Variants in ARHGEF38 observed in about 807,000 individuals in gnomAD.
ARHGEF38 encodes Rho guanine nucleotide exchange factor (GEF) 38.
In ARHGEF38, 79 loss-of-function variants were observed where a neutral mutation model predicts 79.9. The observed-to-expected ratio is 0.99, with a 90% CI of 0.82 to 1.19. ARHGEF38 has a LOEUF of 1.19. Among genes scored for constraint, ARHGEF38 ranks in the 50% most tolerant of loss-of-function variants. The pLI, the probability that ARHGEF38 is intolerant of heterozygous loss-of-function variation, is 0.00. For synonymous variants in ARHGEF38, 366 were observed against 328.3 expected (o/e 1.11, Z -1.24); for missense variants, 962 against 907.2 (o/e 1.06, Z -0.78).
intron 8 of ARHGEF38, 40 bp downstream of exon 8, chr4:105,654,209 A>G (rs957508799): frequency 8.6e-7 from 1 of 1,166,430 alleles, no homozygotes. Flanking sequence ...CTACAGGAAC[A>G]TCTGATACAA....
At chr4:105,612,715 C>T (rs965302032) in intron 2 of ARHGEF38, among the ~76,000 whole-genome samples, 21 of 152,042 alleles carry the variant, frequency 1.4e-4, no homozygotes, top group Non-Finnish European at 2.6e-4. Context: ...TGGATTCTTT[C>T]GTAATTCTTG....
downstream of ARHGEF38, among the ~76,000 whole-genome samples, chr4:105,682,204 AAATC>A (rs1731332553): frequency 6.6e-6 from 1 of 152,234 alleles, no homozygotes; most frequent in African/African-American, 2.4e-5. Flanking sequence ...GAAGTATGAT[AAATC>A]AATTAGGAAA....
downstream of ARHGEF38, chr4:105,682,341 G>C (rs1013829939): frequency 6.2e-6 from 1 of 160,790 alleles, no homozygotes; most frequent in Non-Finnish European, 1.4e-5. Flanking sequence ...AGAATACGGG[G>C]AGGAAAATAG....
rs924424280 is a variant in ARHGEF38, at chr4:105,653,028, G to T, written c.1009-1037G>T. 2.0e-5 allele frequency among the ~76,000 whole-genome samples: 3 copies of T among 152,132 alleles called. No homozygotes were observed. In the South Asian group the frequency reaches 6.2e-4, roughly 32 times the overall value. On this transcript the variant is annotated intron_variant, in intron 7 of 13. Transcript: ENST00000420470. ...ACCCTATTCCATGAAGCATTTGCAC[G>T]TTCACACAGATTTTGCCAGGATGAG...
In ARHGEF38 at chr4:105,659,364, C is replaced by T. The variant is rs936653796; in HGVS notation, c.1544C>T (p.Pro515Leu). The change falls in exon 10 of 14, where the codon CCG (proline) becomes CTG (leucine). Residue 515 changes from proline (P) to leucine (L), a missense_variant and splice_region_variant. Pro to Leu is a moderately conservative substitution (Grantham distance 98). Transcript: ENST00000420470. ...CAGCAGGCTTACTCCACACTTGTGCCGGTAAGCACAGCACCAACACCTAGC... is the reference window on the plus strand; with the variant it reads ...CAGCAGGCTTACTCCACACTTGTGCTGGTAAGCACAGCACCAACACCTAGC... ...VAQQAYSTLV[P>L]MPLLVSSISE... The T allele has an allele frequency of 6.5e-6, 10 of 1,532,522 alleles. No individual in the cohort carries two copies. Among genetic ancestry groups the T allele is most frequent in the African/African-American group, 1.4e-5 (1 of 72,926 alleles). 94.9% of individuals were successfully genotyped at this position (1,532,522 alleles called of 1,614,324 possible).
chr4:105,666,382 G>T, intron 11 of ARHGEF38, 62 bp downstream of exon 11: 1 of 1,417,694 alleles, frequency 7.1e-7, no homozygotes, highest in Non-Finnish European at 9.2e-7. Context: ...CCAAGTTGTA[G>T]TATCATATTA....
At chr4:105,650,492 G>A (rs1315320025) in intron 7 of ARHGEF38, among the ~76,000 whole-genome samples, 1 of 152,126 alleles carries the variant, frequency 6.6e-6, no homozygotes, top group Non-Finnish European at 1.5e-5. Flanking sequence ...ATTTAAAATA[G>A]CCAGTCCTAA....
intron 4 of ARHGEF38, 180 bp downstream of exon 4, chr4:105,631,225 T>C: frequency 8.0e-7 from 1 of 1,249,760 alleles, no homozygotes; most frequent in Non-Finnish European, 1.0e-6. Flanking sequence ...TGACTTTTTT[T>C]CCCCCTGCGA....
chr4:105,637,883 T>C (rs573976090), intron 5 of ARHGEF38, among the ~76,000 whole-genome samples: 213 of 152,280 alleles, frequency 1.4e-3, no homozygotes, highest in African/African-American at 5.0e-3. Flanking sequence ...TCCTGCTGTG[T>C]AGGAGTTAGC....
intron 5 of ARHGEF38, among the ~76,000 whole-genome samples, chr4:105,644,598 T>C (rs1729759550): frequency 6.6e-6 from 1 of 152,252 alleles, no homozygotes; most frequent in Admixed American, 6.5e-5. Context: ...TGTCACTGTG[T>C]GATAGCAATG....
intron 1 of ARHGEF38, chr4:105,570,051 G>C (rs556793426): frequency 6.6e-6 from 1 of 152,282 alleles, no homozygotes; most frequent in Admixed American, 6.5e-5. Flanking sequence ...TCCAGTCAGG[G>C]AGTGAAGGGA....
intron 4 of ARHGEF38, chr4:105,631,568 G>A: frequency 1.0e-6 from 1 of 985,372 alleles, no homozygotes; most frequent in Non-Finnish European, 1.2e-6. Flanking sequence ...CTAAAACATT[G>A]GTGGGGGAGC....
At chr4:105,631,505 G>A in intron 4 of ARHGEF38, 1 of 985,498 alleles carries the variant, frequency 1.0e-6, no homozygotes, top group Non-Finnish European at 1.2e-6. Context: ...AGACAAGTCA[G>A]GCCTTGTTAA....
chr4:105,669,966 T>C (rs1232281024), intron 13 of ARHGEF38, among the ~76,000 whole-genome samples: 2 of 152,212 alleles, frequency 1.3e-5, no homozygotes, highest in South Asian at 2.1e-4. Context: ...AGTATGTATA[T>C]GTACTTTGTT....
chr4:105,611,961 T>C (rs1728313572), intron 2 of ARHGEF38, among the ~76,000 whole-genome samples: 3 of 152,108 alleles, frequency 2.0e-5, no homozygotes. Flanking sequence ...TTTCCCAAGA[T>C]GGTTGAAAGA....
At chr4:105,604,441 TTC>T (rs1727956180) in intron 2 of ARHGEF38, among the ~76,000 whole-genome samples, 1 of 152,198 alleles carries the variant, frequency 6.6e-6, no homozygotes, top group Non-Finnish European at 1.5e-5. Flanking sequence ...TGTTTCAGCC[TTC>T]TTTTTTCCTT....
chr4:105,641,725 A>AT (rs70941205), intron 5 of ARHGEF38, among the ~76,000 whole-genome samples: 36,137 of 151,006 alleles, frequency 0.24, 6,103 homozygotes, highest in African/African-American at 0.48. Flanking sequence ...TGAATATCTA[A>AT]TTTTTTTTTG....
intron 9 of ARHGEF38, among the ~76,000 whole-genome samples, chr4:105,656,438 G>T (rs546121714): frequency 6.6e-6 from 1 of 152,220 alleles, no homozygotes; most frequent in South Asian, 2.1e-4. Flanking sequence ...TTTTATTTAA[G>T]AGTCATATGT....
chr4:105,637,504 C>T (rs1479977721), intron 5 of ARHGEF38, among the ~76,000 whole-genome samples: 2 of 152,104 alleles, frequency 1.3e-5, no homozygotes, highest in African/African-American at 4.8e-5. Context: ...ATTCTAGGCT[C>T]ATTTGAATTC....
Sources: allele counts gnomAD v4.1 joint callset (sites outside exome capture counted in the v4.1 genomes callset), GRCh38; gene constraint gnomAD v4.1.1; transcripts MANE v1.5; gene names NCBI Gene and HGNC (gene_info 2026-07-23, HGNC 2026-07-21).